CDH13: variants seen among roughly 807,000 people sequenced by gnomAD.
CDH13 encodes the protein cadherin-13.
CDH13 carries 24 observed loss-of-function variants against 63.8 expected under a neutral mutation model. The ratio of observed to expected loss-of-function variants is 0.38; its 90% CI spans 0.27 to 0.53. The LOEUF (loss-of-function observed/expected upper bound fraction) is 0.53. CDH13 is among the 20% of genes least tolerant of loss of function. The pLI is 0.85. For synonymous variants in CDH13, 503 were observed against 355.3 expected, an observed-to-expected ratio of 1.42 and a Z score of -4.67; for missense variants, 1,049 against 903.1, an observed-to-expected ratio of 1.16 and a Z score of -2.07.
chr16:82,766,966 C>G (rs2035079046), intron 1 of CDH13, among the ~76,000 whole-genome samples: 1 of 152,176 alleles, frequency 6.6e-6, no homozygotes, highest in African/African-American at 2.4e-5. Context: ...TCTACCGTTA[C>G]CATTTAATCC....
intron 3 of CDH13, among the ~76,000 whole-genome samples, chr16:83,098,355 A>G (rs913037902): frequency 6.6e-6 from 1 of 152,176 alleles, no homozygotes; most frequent in Admixed American, 6.5e-5. Flanking sequence ...ACTCTACATT[A>G]CATTGCTATT....
At chr16:83,217,772 GA>G (rs1214715219) in intron 5 of CDH13, among the ~76,000 whole-genome samples, 2 of 152,250 alleles carry the variant, frequency 1.3e-5, no homozygotes, top group East Asian at 3.9e-4. Flanking sequence ...GAGGAGGTCA[GA>G]ACCCTTAGGG....
chr16:83,033,002 A>T (rs916355410), intron 3 of CDH13, among the ~76,000 whole-genome samples: 1 of 152,192 alleles, frequency 6.6e-6, no homozygotes, highest in African/African-American at 2.4e-5. Flanking sequence ...ACATGCACAT[A>T]TACCACATGT....
intron 8 of CDH13, among the ~76,000 whole-genome samples, chr16:83,667,351 C>G (rs1254652594): frequency 2.0e-5 from 3 of 152,174 alleles, no homozygotes; most frequent in Non-Finnish European, 4.4e-5. Context: ...ACAGGTTTGT[C>G]TCACTTATAC....
At chr16:83,191,199 G>C (rs2038685956) in intron 4 of CDH13, among the ~76,000 whole-genome samples, 1 of 141,562 alleles carries the variant, frequency 7.1e-6, no homozygotes, top group African/African-American at 2.7e-5. Context: ...ATTTTGGGAA[G>C]GGTCATACGA....
chr16:83,060,624 A>C (rs1364316180), intron 3 of CDH13, among the ~76,000 whole-genome samples: 1 of 152,198 alleles, frequency 6.6e-6, no homozygotes, highest in Non-Finnish European at 1.5e-5. Context: ...AACTCTCCGG[A>C]AAAGTTGAGC....
At chr16:83,325,075 G>C (rs1346162204) in intron 5 of CDH13, among the ~76,000 whole-genome samples, 1 of 152,126 alleles carries the variant, frequency 6.6e-6, no homozygotes, top group Non-Finnish European at 1.5e-5. Flanking sequence ...GACCTTCTCT[G>C]AACAGCCTTC....
chr16:83,650,853 G>C (rs1912306029), intron 8 of CDH13, among the ~76,000 whole-genome samples: 1 of 152,090 alleles, frequency 6.6e-6, no homozygotes, highest in South Asian at 2.1e-4. Flanking sequence ...CTGGAGGATT[G>C]CCTAAGGCCA....
intron 5 of CDH13, among the ~76,000 whole-genome samples, chr16:83,335,980 T>G (rs4782774): frequency 6.6e-6 from 1 of 151,994 alleles, no homozygotes; most frequent in African/African-American, 2.4e-5. Flanking sequence ...GCTTGTCCTG[T>G]TACAGCCCTA....
chr16:83,735,978 G>A (rs1411430697), intron 10 of CDH13: 1 of 152,116 alleles, frequency 6.6e-6, no homozygotes, highest in Non-Finnish European at 1.5e-5. Flanking sequence ...TGAACAAATG[G>A]ATGAAGAGCC....
intron 4 of CDH13, among the ~76,000 whole-genome samples, chr16:83,144,506 C>T (rs12447230): frequency 1.5e-4 from 23 of 152,182 alleles, no homozygotes; most frequent in Non-Finnish European, 2.2e-4. Context: ...ATAATCACCA[C>T]GAGACAAGGT....
At position 83,424,331 on chromosome 16, in the gene CDH13, A is replaced by G. The variant is rs1010433773; in HGVS notation, c.782-62146A>G. 3.3e-5 allele frequency among the ~76,000 whole-genome samples: 5 copies of G among 152,226 alleles called. No homozygotes were observed. The South Asian group carries it at 8.3e-4, about 25-fold the overall frequency. ...GGAAATCCAGCATGGACTGCTGTGCACCAGCCTACATCATAGTCACGTGGT... is the reference window on the plus strand; with the variant it reads ...GGAAATCCAGCATGGACTGCTGTGCGCCAGCCTACATCATAGTCACGTGGT... On this transcript the variant is annotated intron_variant, in intron 6 of 13. Coordinates refer to ENST00000567109, the MANE Select transcript of CDH13 (RefSeq NM_001257.5).
rs560127963 is a variant in CDH13, at chr16:83,116,961, A to G, written c.367-8424A>G. Reference sequence around the variant, plus strand: ...AGACCACTTTCACATGCAGCTTCTCATTTCGTTCTGATAACCTAGAGGACG... The same window carrying G: ...AGACCACTTTCACATGCAGCTTCTCGTTTCGTTCTGATAACCTAGAGGACG... On this transcript the variant is annotated intron_variant, in intron 3 of 13. Coordinates refer to ENST00000567109, the MANE Select transcript of CDH13 (RefSeq NM_001257.5). Among the ~76,000 whole-genome samples, 19 of 152,268 alleles carry G rather than the reference A, an allele frequency of 1.2e-4. No homozygotes were observed. The South Asian group carries it at 3.9e-3, about 32-fold the overall frequency.
intron 4 of CDH13, among the ~76,000 whole-genome samples, chr16:83,191,508 C>CATATATAT (rs1464187204): frequency 0.065 from 4,468 of 68,820 alleles, 124 homozygotes; most frequent in Middle Eastern, 0.14. Flanking sequence ...TATATATACA[C>CATATATAT]ACACACACAC....
intron 7 of CDH13, among the ~76,000 whole-genome samples, chr16:83,567,119 C>T (rs1011607995): frequency 6.6e-6 from 1 of 152,212 alleles, no homozygotes; most frequent in Non-Finnish European, 1.5e-5. Flanking sequence ...AACTCAGATT[C>T]AGCCTCCCTT....
intron 1 of CDH13, among the ~76,000 whole-genome samples, chr16:82,659,910 C>G (rs1041518700): frequency 6.6e-6 from 1 of 152,068 alleles, no homozygotes; most frequent in African/African-American, 2.4e-5. Context: ...AAAAATGTCT[C>G]CAGACATTGT....
intron 2 of CDH13, among the ~76,000 whole-genome samples, chr16:82,935,193 C>G (rs115282979): frequency 8.1e-4 from 123 of 152,294 alleles, no homozygotes; most frequent in African/African-American, 2.8e-3. Context: ...ATACGTTCAT[C>G]TTCACATGGC....
chr16:83,098,025 G>C (rs904267253), intron 3 of CDH13, among the ~76,000 whole-genome samples: 6 of 152,146 alleles, frequency 3.9e-5, no homozygotes, highest in Admixed American at 2.0e-4. Context: ...AGACTTCAGG[G>C]CAGGAAAGAA....
intron 10 of CDH13, among the ~76,000 whole-genome samples, chr16:83,690,871 A>G (rs1904788148): frequency 6.6e-6 from 1 of 151,954 alleles, no homozygotes; most frequent in African/African-American, 2.4e-5. Context: ...ACAGGCATGC[A>G]CCACCACACC....
Sources: gnomAD v4.1 joint callset for allele counts (sites outside exome capture counted in the v4.1 genomes callset) on GRCh38, gnomAD v4.1.1 for gene constraint, MANE v1.5 for transcripts, NCBI Gene and HGNC (gene_info 2026-07-23, HGNC 2026-07-21) for gene names.